Variants in KCNN3 observed in about 807,000 individuals in gnomAD.
KCNN3 encodes the protein potassium calcium-activated channel subfamily N member 3, also known as small conductance calcium-activated potassium channel protein 3.
A neutral mutation model predicts 62.9 loss-of-function variants in KCNN3; 16 were observed. That is an observed-to-expected ratio of 0.25 (90% CI 0.17 to 0.39). KCNN3 has a LOEUF of 0.39. Among genes scored for constraint, KCNN3 ranks in the 10% least tolerant of loss-of-function variants. The pLI, the probability that KCNN3 is intolerant of heterozygous loss-of-function variation, is 1.00. For synonymous variants in KCNN3, 370 were observed against 389.2 expected, an observed-to-expected ratio of 0.95 and a Z score of 0.58; for missense variants, 599 against 949.4, an observed-to-expected ratio of 0.63 and a Z score of 4.85.
chr1:154,741,676 A>T (rs1392266692), intron 3 of KCNN3, among the ~76,000 whole-genome samples: 1 of 151,380 alleles, frequency 6.6e-6, no homozygotes, highest in Non-Finnish European at 1.5e-5. Context: ...CTTATTCTCC[A>T]AAAGAATTTG....
chr1:154,868,052 C>T, intron 1 of KCNN3: 1 of 985,490 alleles, frequency 1.0e-6, no homozygotes, highest in Non-Finnish European at 1.2e-6. Flanking sequence ...AAAGCCAGTG[C>T]CTGCTGTTCT....
chr1:154,825,243 G>A (rs1040320939), intron 1 of KCNN3, among the ~76,000 whole-genome samples: 2 of 152,136 alleles, frequency 1.3e-5, no homozygotes, highest in African/African-American at 4.8e-5. Context: ...TTGTAGAACA[G>A]AGGGAATCCA....
At chr1:154,844,302 G>A (rs1330635005) in intron 1 of KCNN3, among the ~76,000 whole-genome samples, 1 of 152,238 alleles carries the variant, frequency 6.6e-6, no homozygotes, top group Non-Finnish European at 1.5e-5. Flanking sequence ...AAGAGACAAG[G>A]TTCTAGAGAG....
chr1:154,815,300 C>T (rs915979619), intron 2 of KCNN3, among the ~76,000 whole-genome samples: 40 of 152,204 alleles, frequency 2.6e-4, no homozygotes, highest in Non-Finnish European at 1.5e-5. Flanking sequence ...CACCTCCCTT[C>T]GGAGGACAGG....
Position 154,869,893 on chromosome 1 carries a change from T to A in KCNN3, c.72A>T (p.Pro24=). Residue 24 remains proline, a synonymous_variant, in exon 1 of 8, where the codon CCA becomes CCT. Coordinates refer to ENST00000271915, the MANE Select transcript of KCNN3 (RefSeq NM_002249.6). The surrounding 1 kb of genome is among the most constrained non-coding windows in gnomAD (Gnocchi z 6.1). ...DLDEDPKCPC[P]SSGDEQQQQQ... ...GCTGCTGCTGCTCATCCCCAGAGGA[T>A]GGACAGGGGCACTTGGGGTCTTCAT... The A allele has an allele frequency of 6.2e-7, 1 of 1,607,974 alleles. No individual in the cohort carries two copies. Among genetic ancestry groups the A allele is most frequent in the South Asian group, 1.1e-5 (1 of 90,048 alleles).
Position 154,818,949 on chromosome 1 carries a change from T to A in KCNN3, c.1029+3140A>T, listed in dbSNP as rs1650780984. On this transcript the variant is annotated intron_variant, in intron 2 of 7. Coordinates refer to ENST00000271915, the MANE Select transcript of KCNN3 (RefSeq NM_002249.6). The stretch of plus-strand genomic sequence containing the variant: ...GGCAAGGCTGGGGAAGACGGGGACA[T>A]GATCATCTGGTCCCTGCTAAAATTT... 2.0e-5 allele frequency among the ~76,000 whole-genome samples: 3 copies of A among 152,204 alleles called. 1 individual carries two copies. Among genetic ancestry groups the A allele is most frequent in the African/African-American group, 7.2e-5 (3 of 41,460 alleles).
At chr1:154,859,027 A>C (rs1027037917) in intron 1 of KCNN3, among the ~76,000 whole-genome samples, 2 of 152,150 alleles carry the variant, frequency 1.3e-5, no homozygotes, top group Non-Finnish European at 2.9e-5. Flanking sequence ...CCCCCTGAGG[A>C]GGCCTCCCCT....
intron 3 of KCNN3, among the ~76,000 whole-genome samples, chr1:154,737,712 T>C (rs1033726444): frequency 1.3e-5 from 2 of 151,538 alleles, no homozygotes; most frequent in African/African-American, 4.9e-5. Context: ...TGGAAGATGA[T>C]AAATCGAGGA....
intron 7 of KCNN3, among the ~76,000 whole-genome samples, chr1:154,709,481 A>G (rs1700030875): frequency 1.3e-5 from 2 of 152,184 alleles, no homozygotes; most frequent in Admixed American, 1.3e-4. Flanking sequence ...CCCAGGGACC[A>G]AAGCAGCAGC....
intron 1 of KCNN3, among the ~76,000 whole-genome samples, chr1:154,843,669 G>A (rs1651925775): frequency 1.3e-5 from 2 of 152,210 alleles, no homozygotes; most frequent in Admixed American, 1.3e-4. Context: ...TAAAGCAACA[G>A]TGAGAAACGC....
intron 6 of KCNN3, among the ~76,000 whole-genome samples, chr1:154,714,249 G>GTT (rs1408266753): frequency 2.0e-4 from 22 of 110,432 alleles, no homozygotes; most frequent in African/African-American, 7.4e-4. Flanking sequence ...CGGTGTGTAT[G>GTT]GTGTGTGTGA....
intron 2 of KCNN3, among the ~76,000 whole-genome samples, chr1:154,787,226 C>G (rs1649319054): frequency 6.6e-6 from 1 of 152,278 alleles, no homozygotes; most frequent in South Asian, 2.1e-4. Context: ...CTCCGCTCCC[C>G]CACTGAGGGC....
intron 1 of KCNN3, among the ~76,000 whole-genome samples, chr1:154,855,898 G>A (rs1278238256): frequency 6.6e-6 from 1 of 152,132 alleles, no homozygotes; most frequent in African/African-American, 2.4e-5. Context: ...GGTCATTGGG[G>A]AAACTGAGGC....
At chr1:154,808,991 G>C (rs998411032) in intron 2 of KCNN3, among the ~76,000 whole-genome samples, 1 of 152,126 alleles carries the variant, frequency 6.6e-6, no homozygotes, top group Non-Finnish European at 1.5e-5. Flanking sequence ...GCTGCTCTGC[G>C]CCCACTGGAT....
At chr1:154,813,162 G>C (rs1033882663) in intron 2 of KCNN3, among the ~76,000 whole-genome samples, 1 of 151,648 alleles carries the variant, frequency 6.6e-6, no homozygotes, top group Non-Finnish European at 1.5e-5. Context: ...AATGGGCAGA[G>C]GGTTGCTGGG....
rs1464155628 is a variant in KCNN3, at chr1:154,705,505, G to T, written c.*2471C>A. 1 of 152,096 alleles carries T rather than the reference G, an allele frequency of 6.6e-6. No homozygotes were observed. Among genetic ancestry groups the T allele is most frequent in the East Asian group, 1.9e-4 (1 of 5,198 alleles). 9.4% of individuals were successfully genotyped at this position (152,096 alleles called of 1,614,324 possible). A position where few individuals can be genotyped will look rare whatever the true frequency, so the allele number is the denominator to read the frequency against. On this transcript the variant is annotated 3_prime_UTR_variant, in exon 8 of 8. Coordinates refer to ENST00000271915, the MANE Select transcript of KCNN3 (RefSeq NM_002249.6). ...TGTTTCTAGGATGCCAGTGGCTACT[G>T]CTACCAGAAATAACTCCAGTCACTC...
chr1:154,718,214 C>T (rs1384339534), intron 5 of KCNN3, among the ~76,000 whole-genome samples: 2 of 152,170 alleles, frequency 1.3e-5, no homozygotes, highest in Non-Finnish European at 2.9e-5. Flanking sequence ...GTCCAGCTGT[C>T]CTGCCTCCAA....
intron 2 of KCNN3, among the ~76,000 whole-genome samples, chr1:154,786,882 A>T (rs1649306727): frequency 6.6e-6 from 1 of 152,236 alleles, no homozygotes; most frequent in South Asian, 2.1e-4. Context: ...TGTGGCGCCT[A>T]ATGGTGATGT....
At chr1:154,771,864 G>A in intron 3 of KCNN3, 111 bp downstream of exon 3, 1 of 1,063,108 alleles carries the variant, frequency 9.4e-7, no homozygotes, top group South Asian at 1.3e-5. Context: ...TCAGGTGTCT[G>A]GGTACATGCC....
Sources: gnomAD v4.1 joint callset for allele counts (sites outside exome capture counted in the v4.1 genomes callset) on GRCh38, gnomAD v4.1.1 for gene constraint, Gnocchi (gnomAD v3.1) non-coding constraint, MANE v1.5 for transcripts, NCBI Gene and HGNC (gene_info 2026-07-23, HGNC 2026-07-21) for gene names.